The following DCAF12 variants were observed in gnomAD, a reference collection of about 807,000 sequenced individuals.
DCAF12 encodes DDB1- and CUL4-associated factor 12.
A neutral mutation model predicts 52.8 loss-of-function variants in DCAF12; 28 were observed. That is an observed-to-expected ratio of 0.53 (90% CI 0.39 to 0.73). The LOEUF (loss-of-function observed/expected upper bound fraction) is 0.73. Among genes scored for constraint, DCAF12 ranks in the 30% least tolerant of loss-of-function variants. The probability of loss-of-function intolerance (pLI) is 0.00; values close to 1 mark genes in which losing one functional copy is unlikely to be tolerated. For missense variants in DCAF12, 425 were observed against 552.2 expected (o/e 0.77, Z 2.31); for synonymous variants, 196 against 215.5 (o/e 0.91, Z 0.79).
At chr9:34,121,139 G>T (rs1446124348) in intron 2 of DCAF12, among the ~76,000 whole-genome samples, 1 of 152,106 alleles carries the variant, frequency 6.6e-6, no homozygotes, top group Non-Finnish European at 1.5e-5. Flanking sequence ...GAGCAACAGA[G>T]CGAGACTCCA....
chr9:34,116,877 G>A, intron 2 of DCAF12, among the ~76,000 whole-genome samples: 1 of 152,176 alleles, frequency 6.6e-6, no homozygotes, highest in East Asian at 1.9e-4. Flanking sequence ...TACTCGGGAG[G>A]ATGAGGCAGA....
intron 7 of DCAF12, among the ~76,000 whole-genome samples, chr9:34,090,803 C>T (rs537091601): frequency 5.5e-4 from 83 of 151,762 alleles, no homozygotes; most frequent in African/African-American, 1.9e-3. Flanking sequence ...TACAGGCACC[C>T]GCTACCACCC....
chr9:34,108,010 T>G (rs1828932877), intron 2 of DCAF12, among the ~76,000 whole-genome samples: 1 of 152,208 alleles, frequency 6.6e-6, no homozygotes, highest in Admixed American at 6.5e-5. Flanking sequence ...TTAATATTAC[T>G]AAGTTTTCTG....
chr9:34,112,646 C>T (rs1048725750), intron 2 of DCAF12, among the ~76,000 whole-genome samples: 1 of 151,992 alleles, frequency 6.6e-6, no homozygotes, highest in Admixed American at 6.6e-5. Flanking sequence ...CACCTGTAAT[C>T]CCAGTACTTT....
rs1226067958 is a variant in DCAF12, at chr9:34,087,919, TCACA to T, written c.*427_*430del. ...CACACACGCAGACAAGATCTCTCTC[TCACA>T]CACACACAGACACACACAGCTCCCA... On this transcript the variant is annotated 3_prime_UTR_variant, in exon 9 of 9. Transcript: ENST00000361264. 1 of 152,564 alleles carries T rather than the reference TCACA, an allele frequency of 6.6e-6. No individual in the cohort carries two copies. Among genetic ancestry groups the T allele is most frequent in the Non-Finnish European group, 1.4e-5 (1 of 69,140 alleles). The allele number at this position is 152,564 out of a possible 1,614,324, so 9.5% of individuals were successfully genotyped here.
At chr9:34,089,669 A>G in intron 7 of DCAF12, 79 bp from the exon 8 acceptor site, 1 of 1,421,098 alleles carries the variant, frequency 7.0e-7, no homozygotes, top group Non-Finnish European at 9.4e-7. Flanking sequence ...TTTCTCCAAC[A>G]CTGAGTTTTC....
chr9:34,105,692 T>C (rs1157757037), intron 4 of DCAF12, among the ~76,000 whole-genome samples: 1 of 151,350 alleles, frequency 6.6e-6, no homozygotes, highest in Non-Finnish European at 1.5e-5. Flanking sequence ...TATCTCTGGA[T>C]AGAGATCTTG....
intron 2 of DCAF12, among the ~76,000 whole-genome samples, chr9:34,122,047 T>C (rs1172022060): frequency 6.6e-6 from 1 of 152,204 alleles, no homozygotes; most frequent in Non-Finnish European, 1.5e-5. Flanking sequence ...GCAGCAGTTC[T>C]TCTTGCCCTG....
chr9:34,108,838 G>A (rs1201375524), intron 2 of DCAF12, among the ~76,000 whole-genome samples: 1 of 146,554 alleles, frequency 6.8e-6, no homozygotes, highest in African/African-American at 2.5e-5. Context: ...TATGAATGAG[G>A]TGGACAAGGT....
intron 2 of DCAF12, among the ~76,000 whole-genome samples, chr9:34,117,025 C>A (rs1829098836): frequency 6.6e-6 from 1 of 152,220 alleles, no homozygotes; most frequent in African/African-American, 2.4e-5. Context: ...ATGCCAAGAT[C>A]TTAGACACTC....
At position 34,126,334 on chromosome 9, in the gene DCAF12, G is replaced by A; in HGVS notation, c.78+20C>T. On this transcript the variant is annotated intron_variant, in intron 1 of 8. Coordinates refer to ENST00000361264, the MANE Select transcript of DCAF12 (RefSeq NM_015397.4). ...GGTTCCTCAGCCTCACCACCCAGGT[G>A]CCGGCCTCTCAACCCTCACCTGCGG... 1 of 1,611,742 alleles carries A rather than the reference G, an allele frequency of 6.2e-7. No homozygotes were observed. Among genetic ancestry groups the A allele is most frequent in the Non-Finnish European group, 8.5e-7 (1 of 1,179,526 alleles).
intron 4 of DCAF12, among the ~76,000 whole-genome samples, chr9:34,101,198 A>G (rs1458022499): frequency 6.6e-6 from 1 of 151,504 alleles, no homozygotes; most frequent in Non-Finnish European, 1.5e-5. Flanking sequence ...CAGCCTCCCA[A>G]GTAGCTGGGT....
chr9:34,107,938 T>C (rs1828930254), intron 2 of DCAF12, among the ~76,000 whole-genome samples: 1 of 152,180 alleles, frequency 6.6e-6, no homozygotes, highest in Admixed American at 6.5e-5. Flanking sequence ...AACCACACCA[T>C]GCACAGAAAC....
chr9:34,113,490 C>T (rs1274783174), intron 2 of DCAF12, among the ~76,000 whole-genome samples: 1 of 152,018 alleles, frequency 6.6e-6, no homozygotes, highest in Non-Finnish European at 1.5e-5. Context: ...CAGGTGCACA[C>T]CACTGTGCCC....
chr9:34,113,772 C>T (rs1314493809), intron 2 of DCAF12, among the ~76,000 whole-genome samples: 4 of 152,166 alleles, frequency 2.6e-5, no homozygotes, highest in African/African-American at 4.8e-5. Flanking sequence ...AGCCAAGATA[C>T]GGAATCAGCC....
Position 34,096,733 on chromosome 9 carries a change from C to T in DCAF12, c.844G>A (p.Glu282Lys). The T allele has an allele frequency of 6.2e-7, 1 of 1,614,030 alleles. No homozygotes were observed. The highest frequency in any genetic ancestry group is 8.5e-7 in the Non-Finnish European group (1 of 1,179,972). The change falls in exon 6 of 9, where the codon GAA (glutamate) becomes AAA (lysine). Residue 282 changes from glutamate to lysine, a missense_variant. Glu to Lys is a moderately conservative substitution (Grantham distance 56, BLOSUM62 1). Coordinates refer to ENST00000361264, the MANE Select transcript of DCAF12 (RefSeq NM_015397.4). ...LDGYFHLWKA[E>K]NTLSKLLSTK... ...CATCACACCTTAGATAGTGTATTTT[C>T]AGCCTTCCAGAGATGAAAGTAGCCA...
At chr9:34,103,095 C>CAAAAAAAAAAAAAA (rs34456166) in intron 4 of DCAF12, among the ~76,000 whole-genome samples, 1 of 100,210 alleles carries the variant, frequency 1.0e-5, no homozygotes, top group African/African-American at 4.3e-5. Flanking sequence ...ACCTTAACTC[C>CAAAAAAAAAAAAAA]AAAAAAAAAA....
At chr9:34,096,397 A>T (rs1280184336) in intron 6 of DCAF12, among the ~76,000 whole-genome samples, 1 of 151,986 alleles carries the variant, frequency 6.6e-6, no homozygotes, top group African/African-American at 2.4e-5. Flanking sequence ...TAAAAATAAA[A>T]ATACCAACCT....
chr9:34,123,069 T>C (rs1829199245), intron 2 of DCAF12, among the ~76,000 whole-genome samples: 1 of 152,230 alleles, frequency 6.6e-6, no homozygotes, highest in Non-Finnish European at 1.5e-5. Flanking sequence ...TTGTTATTAA[T>C]GATAAAAACA....
Sources: gnomAD v4.1 joint callset for allele counts (sites outside exome capture counted in the v4.1 genomes callset) on GRCh38, gnomAD v4.1.1 for gene constraint, MANE v1.5 for transcripts, NCBI Gene and HGNC (gene_info 2026-07-23, HGNC 2026-07-21) for gene names.